Variants in PPP1R12B observed in about 807,000 individuals in gnomAD.
The protein encoded by PPP1R12B is protein phosphatase 1 regulatory subunit 12B.
In PPP1R12B, 76 loss-of-function variants were observed where a neutral mutation model predicts 126.1. That is an observed-to-expected ratio of 0.60 (90% CI 0.50 to 0.73). PPP1R12B has a LOEUF of 0.73. Ranked by LOEUF, PPP1R12B falls within the 30% of genes least tolerant of loss-of-function variation. The pLI, the probability that PPP1R12B is intolerant of heterozygous loss-of-function variation, is 0.00. For missense variants in PPP1R12B, 1,052 were observed against 1,205.1 expected, an observed-to-expected ratio of 0.87 and a Z score of 1.88; for synonymous variants, 356 against 434.7, an observed-to-expected ratio of 0.82 and a Z score of 2.25.
chr1:202,526,402 G>A (rs376334202), intron 18 of PPP1R12B, among the ~76,000 whole-genome samples: 2 of 152,180 alleles, frequency 1.3e-5, no homozygotes, highest in Non-Finnish European at 2.9e-5. Context: ...GTGCATTATA[G>A]TCCACTAAAG....
intron 4 of PPP1R12B, among the ~76,000 whole-genome samples, chr1:202,426,127 G>A (rs956259736): frequency 5.9e-5 from 9 of 152,166 alleles, no homozygotes; most frequent in Non-Finnish European, 5.9e-5. Context: ...AGTATGCGAT[G>A]TCCAGCTGGC....
chr1:202,455,634 T>A (rs1673536071), intron 13 of PPP1R12B, among the ~76,000 whole-genome samples: 1 of 152,244 alleles, frequency 6.6e-6, no homozygotes, highest in African/African-American at 2.4e-5. Flanking sequence ...ACACTTGAGT[T>A]GTTTCCACCT....
intron 13 of PPP1R12B, among the ~76,000 whole-genome samples, chr1:202,488,156 A>G (rs1214281252): frequency 6.6e-6 from 1 of 152,242 alleles, no homozygotes; most frequent in African/African-American, 2.4e-5. Flanking sequence ...ACACCGTGAT[A>G]TCACAACAGT....
In PPP1R12B at chr1:202,567,785, A is replaced by C; in HGVS notation, c.2765A>C (p.Gln922Pro). The part of the protein sequence containing the change: ...SKLEKVAQQK[Q>P]EKTSDRSSVL... ...TCCTTCCATTTGCACCAGCAGAAAC[A>C]AGAAAAGACCTCTGACCGATCATCA... The change falls in exon 22 of 24, where the codon CAA (glutamine) becomes CCA (proline). Residue 922 changes from glutamine to proline, a missense_variant. By Grantham distance (76) the Gln-to-Pro change is moderately conservative. Coordinates refer to ENST00000608999, the MANE Select transcript of PPP1R12B (RefSeq NM_002481.4). The C allele has an allele frequency of 1.2e-6, 2 of 1,614,056 alleles. No homozygotes were observed. The highest frequency in any genetic ancestry group is 1.7e-6 in the Non-Finnish European group (2 of 1,179,932).
At chr1:202,533,246 G>A (rs188323704) in intron 18 of PPP1R12B, among the ~76,000 whole-genome samples, 1 of 152,058 alleles carries the variant, frequency 6.6e-6, no homozygotes, top group Admixed American at 6.6e-5. Flanking sequence ...TGTATCTCTA[G>A]TTAGACTTTC....
At chr1:202,466,615 A>G (rs918698624) in intron 13 of PPP1R12B, among the ~76,000 whole-genome samples, 1 of 152,114 alleles carries the variant, frequency 6.6e-6, no homozygotes, top group Non-Finnish European at 1.5e-5. Context: ...AGTTCATTGT[A>G]CTACATGTAA....
intron 1 of PPP1R12B, among the ~76,000 whole-genome samples, chr1:202,353,586 T>TTGTG (rs58683662): frequency 0.19 from 23,482 of 120,422 alleles, 2,528 homozygotes; most frequent in Middle Eastern, 0.27. Flanking sequence ...TTCTTCTTCT[T>TTGTG]TGTGTGTGTG....
rs183989789 is a variant in PPP1R12B at position 202,539,081 on chromosome 1, T to C, written c.2491-19796T>C. ...CAACAGGAATGGCATCTCATTAAAA[T>C]TGAACATTAAGGGCCTGAAGGTGCT... On this transcript the variant is annotated intron_variant, in intron 18 of 23. Coordinates refer to ENST00000608999, the MANE Select transcript of PPP1R12B (RefSeq NM_002481.4). Among the ~76,000 whole-genome samples, 5 of 152,308 alleles carry C rather than the reference T, an allele frequency of 3.3e-5. No individual in the cohort carries two copies. In the East Asian group the frequency reaches 9.7e-4, roughly 29 times the overall value.
rs375320086 is a variant in PPP1R12B at position 202,348,845 on chromosome 1, C to A, written c.-7C>A. On this transcript the variant is annotated 5_prime_UTR_variant, in exon 1 of 24. Coordinates refer to ENST00000608999, the MANE Select transcript of PPP1R12B (RefSeq NM_002481.4). ...TAGTTTTGGCAGCAGCTGCCGAGGC[C>A]GGAGCAATGGCGGAACTGGAGCACC... The A allele has an allele frequency of 1.9e-6, 3 of 1,604,278 alleles. No homozygotes were observed. In the African/African-American group the frequency reaches 4.0e-5, roughly 22 times the overall value.
At position 202,438,013 on chromosome 1, in the gene PPP1R12B, A is replaced by G. The variant is rs757647009; in HGVS notation, c.1447A>G (p.Asn483Asp). 14 of 1,613,798 alleles carry G rather than the reference A, an allele frequency of 8.7e-6. No homozygotes were observed. Among genetic ancestry groups the G allele is most frequent in the Admixed American group, 1.7e-5 (1 of 59,976 alleles). ...CCCTCGGATTTCTGCTCTACTGGAC[A>G]ACAAAGATAAGGTGCAGTTTGGGAG... ...SSPRISALLD[N>D]KDKERENKSY... Residue 483 changes from asparagine (N) to aspartate (D), a missense_variant, in exon 10 of 24, where the codon AAC becomes GAC. Asn to Asp is a conservative substitution (Grantham distance 23). Coordinates refer to ENST00000608999, the MANE Select transcript of PPP1R12B (RefSeq NM_002481.4).
intron 1 of PPP1R12B, among the ~76,000 whole-genome samples, chr1:202,399,717 C>T (rs181599846): frequency 2.1e-4 from 32 of 152,140 alleles, no homozygotes; most frequent in African/African-American, 7.0e-4. Context: ...AGGATGGTCT[C>T]GATCTCCTGA....
At chr1:202,356,304 C>T (rs536126788) in intron 1 of PPP1R12B, among the ~76,000 whole-genome samples, 30 of 152,136 alleles carry the variant, frequency 2.0e-4, no homozygotes, top group Non-Finnish European at 3.5e-4. Flanking sequence ...TTGATTTTAG[C>T]ATAAAGGTGA....
chr1:202,543,415 A>G (rs546758530), intron 18 of PPP1R12B, among the ~76,000 whole-genome samples: 18 of 152,300 alleles, frequency 1.2e-4, no homozygotes, highest in Non-Finnish European at 2.4e-4. Flanking sequence ...TTCTCTGAAC[A>G]CAAAATTATG....
chr1:202,359,338 A>G (rs1034628661), intron 1 of PPP1R12B, among the ~76,000 whole-genome samples: 4 of 151,988 alleles, frequency 2.6e-5, no homozygotes, highest in Non-Finnish European at 5.9e-5. Flanking sequence ...CATGTTGGCC[A>G]GGCTGGTCTC....
In PPP1R12B at chr1:202,589,872, G is replaced by C. The variant is rs537636845; in HGVS notation, c.*9312G>C. ...TGCCCCCATGCCTTTGGACCTGATG[G>C]ACAAGCACACATCTAGCCAACGGTG... On this transcript the variant is annotated 3_prime_UTR_variant, in exon 24 of 24. Coordinates refer to ENST00000608999, the MANE Select transcript of PPP1R12B (RefSeq NM_002481.4). 1 of 152,372 alleles carries C rather than the reference G, an allele frequency of 6.6e-6. No homozygotes were observed. The highest frequency in any genetic ancestry group is 2.1e-4 in the South Asian group (1 of 4,824). The allele number at this position is 152,372 out of a possible 1,614,324, so 9.4% of individuals were successfully genotyped here.
At chr1:202,502,956 C>G (rs1680394335) in intron 18 of PPP1R12B, 1 of 152,108 alleles carries the variant, frequency 6.6e-6, no homozygotes, top group South Asian at 2.1e-4. Context: ...ATGGCATCGA[C>G]TGATAAGTTA....
At chr1:202,574,135 T>C (rs1280379991) in intron 23 of PPP1R12B, among the ~76,000 whole-genome samples, 1 of 144,398 alleles carries the variant, frequency 6.9e-6, no homozygotes, top group Non-Finnish European at 1.5e-5. Context: ...TTGGTATGTG[T>C]AACTTTAACC....
At chr1:202,511,344 G>C (rs949559865) in intron 18 of PPP1R12B, among the ~76,000 whole-genome samples, 1 of 151,510 alleles carries the variant, frequency 6.6e-6, no homozygotes, top group African/African-American at 2.4e-5. Context: ...AGCCTCCTGA[G>C]TAGCTGGGAC....
intron 1 of PPP1R12B, among the ~76,000 whole-genome samples, chr1:202,357,676 A>G (rs1657362135): frequency 1.3e-5 from 2 of 152,126 alleles, no homozygotes; most frequent in Admixed American, 6.6e-5. Flanking sequence ...TTTACTTCTC[A>G]GTCTAGTTTG....
Sources: allele counts gnomAD v4.1 joint callset (sites outside exome capture counted in the v4.1 genomes callset), GRCh38; gene constraint gnomAD v4.1.1; transcripts MANE v1.5; gene names NCBI Gene and HGNC (gene_info 2026-07-23, HGNC 2026-07-21).